Variants in STK32B observed in about 807,000 individuals in gnomAD.
The protein encoded by STK32B is serine/threonine kinase 32B, also known as serine/threonine-protein kinase 32B.
A neutral mutation model predicts 52.6 loss-of-function variants in STK32B; 43 were observed. The observed-to-expected ratio is 0.82, with a 90% CI of 0.64 to 1.05. The LOEUF (loss-of-function observed/expected upper bound fraction) is 1.05, where lower values mean the gene tolerates loss of function less well. Among genes scored for constraint, STK32B ranks in the 50% least tolerant of loss-of-function variants. The pLI is 0.00. For synonymous variants in STK32B, 238 were observed against 204.3 expected (o/e 1.17, Z -1.41); for missense variants, 621 against 534.6 (o/e 1.16, Z -1.59).
chr4:5,408,746 C>T (rs1737839741), intron 5 of STK32B, among the ~76,000 whole-genome samples: 1 of 152,062 alleles, frequency 6.6e-6, no homozygotes, highest in Admixed American at 6.5e-5. Flanking sequence ...GTGACCTAGC[C>T]CCTGTCTTCA....
chr4:5,341,640 C>G (rs1407160873), intron 4 of STK32B, among the ~76,000 whole-genome samples: 4 of 152,118 alleles, frequency 2.6e-5, no homozygotes, highest in African/African-American at 9.7e-5. Context: ...ATACATGAGA[C>G]TGAGTAATTT....
At chr4:5,304,898 G>A (rs1577318664) in intron 3 of STK32B, among the ~76,000 whole-genome samples, 2 of 152,142 alleles carry the variant, frequency 1.3e-5, no homozygotes, top group South Asian at 4.2e-4. Context: ...TAATCATAAA[G>A]CATTGATGGA....
intron 1 of STK32B, among the ~76,000 whole-genome samples, chr4:5,060,385 G>C (rs765084134): frequency 6.6e-6 from 1 of 151,880 alleles, no homozygotes; most frequent in East Asian, 1.9e-4. Flanking sequence ...TTCTGATTTT[G>C]GTAATTTGTG....
chr4:5,071,349 A>C (rs1711760717), intron 1 of STK32B, among the ~76,000 whole-genome samples: 1 of 152,176 alleles, frequency 6.6e-6, no homozygotes, highest in Non-Finnish European at 1.5e-5. Context: ...TGTACATATG[A>C]ACACAAAAAT....
chr4:5,057,957 TAAG>T (rs1742070165), intron 1 of STK32B, among the ~76,000 whole-genome samples: 1 of 149,650 alleles, frequency 6.7e-6, no homozygotes, highest in Non-Finnish European at 1.5e-5. Context: ...CTGAATTACA[TAAG>T]AAGAGAAAAA....
intron 3 of STK32B, among the ~76,000 whole-genome samples, chr4:5,233,079 C>T (rs1157890449): frequency 6.6e-6 from 1 of 152,110 alleles, no homozygotes; most frequent in Non-Finnish European, 1.5e-5. Flanking sequence ...CTAAAATAAC[C>T]TCAGATTACC....
chr4:5,055,542 C>T (rs1380055870), intron 1 of STK32B, among the ~76,000 whole-genome samples: 1 of 152,172 alleles, frequency 6.6e-6, no homozygotes, highest in Non-Finnish European at 1.5e-5. Context: ...CTGCTCAGCC[C>T]ACCCTCAAAT....
rs1023677735 is a variant in STK32B at position 5,051,783 on chromosome 4, C to T, written c.-81C>T. The T allele has an allele frequency of 3.2e-6, 5 of 1,540,702 alleles. No homozygotes were observed. The highest frequency in any genetic ancestry group is 1.2e-5 in the South Asian group (1 of 82,862). On this transcript the variant is annotated 5_prime_UTR_variant, in exon 1 of 12. Transcript: ENST00000282908. ...CCCGGACTGGGCGCGCCCCCGGCAT[C>T]CCGCATCTCTGCGCGCGTCCCACAT... is the stretch of plus-strand genomic sequence containing the variant.
intron 1 of STK32B, among the ~76,000 whole-genome samples, chr4:5,069,939 G>A (rs1193606461): frequency 6.6e-6 from 1 of 152,162 alleles, no homozygotes; most frequent in Non-Finnish European, 1.5e-5. Context: ...TTGTGAGGAT[G>A]GAGTGAGGTA....
At chr4:5,102,879 CTTCTT>C (rs1713894498) in intron 1 of STK32B, among the ~76,000 whole-genome samples, 1 of 96,468 alleles carries the variant, frequency 1.0e-5, no homozygotes, top group Non-Finnish European at 2.1e-5. Context: ...CCCTCCCTCC[CTTCTT>C]TCCTTCCTTC....
intron 1 of STK32B, among the ~76,000 whole-genome samples, chr4:5,117,869 T>C (rs1714821799): frequency 6.6e-6 from 1 of 152,212 alleles, no homozygotes; most frequent in African/African-American, 2.4e-5. Context: ...CAGATTTGTG[T>C]ATGTTGAACC....
chr4:5,201,335 C>T (rs957496327), intron 3 of STK32B, among the ~76,000 whole-genome samples: 1 of 152,188 alleles, frequency 6.6e-6, no homozygotes, highest in African/African-American at 2.4e-5. Flanking sequence ...CCTGGGAGAC[C>T]TCAGCCCTGC....
chr4:5,202,683 A>G (rs1388634646), intron 3 of STK32B, among the ~76,000 whole-genome samples: 1 of 152,210 alleles, frequency 6.6e-6, no homozygotes. Context: ...TATCTTCTGC[A>G]CACCCACAGG....
intron 3 of STK32B, among the ~76,000 whole-genome samples, chr4:5,256,474 C>G (rs573251027): frequency 2.4e-4 from 36 of 152,160 alleles, no homozygotes; most frequent in Non-Finnish European, 3.2e-4. Context: ...AATTCTTCCC[C>G]GGCTCTAGCT....
chr4:5,153,982 T>C (rs1717587786), intron 2 of STK32B, among the ~76,000 whole-genome samples: 1 of 152,200 alleles, frequency 6.6e-6, no homozygotes, highest in South Asian at 2.1e-4. Flanking sequence ...TAGTTATCTA[T>C]ACTAGATTCT....
the STK32B span, among the ~76,000 whole-genome samples, chr4:5,041,098 A>G: frequency 6.6e-6 from 1 of 152,130 alleles, no homozygotes; most frequent in Non-Finnish European, 1.5e-5. Context: ...CTGCTTTCTG[A>G]AAGAGGAGTC....
intron 11 of STK32B, among the ~76,000 whole-genome samples, chr4:5,485,274 G>T (rs531940715): frequency 6.6e-6 from 1 of 152,106 alleles, no homozygotes; most frequent in African/African-American, 2.4e-5. Flanking sequence ...ATTTCTTGGA[G>T]GCTTTCTCGT....
chr4:5,079,309 C>A (rs1712268119), intron 1 of STK32B, among the ~76,000 whole-genome samples: 1 of 151,844 alleles, frequency 6.6e-6, no homozygotes, highest in African/African-American at 2.4e-5. Context: ...TTGCTGTTTT[C>A]TTAGAATAAA....
intron 4 of STK32B, among the ~76,000 whole-genome samples, chr4:5,358,464 C>A (rs541013516): frequency 6.6e-6 from 1 of 152,300 alleles, no homozygotes; most frequent in East Asian, 1.9e-4. Flanking sequence ...CTCCCTCCAG[C>A]TCTGAATCTC....
Sources: allele counts gnomAD v4.1 joint callset (sites outside exome capture counted in the v4.1 genomes callset), GRCh38; gene constraint gnomAD v4.1.1; transcripts MANE v1.5; gene names NCBI Gene and HGNC (gene_info 2026-07-23, HGNC 2026-07-21).